The following SBF1 variants were observed in gnomAD, a reference collection of about 807,000 sequenced individuals.
The protein encoded by SBF1 is myotubularin-related protein 5.
A neutral mutation model predicts 215.8 loss-of-function variants in SBF1; 65 were observed. The observed-to-expected ratio is 0.30, with a 90% CI of 0.25 to 0.37. The LOEUF (loss-of-function observed/expected upper bound fraction) is 0.37. SBF1 is among the 10% of genes least tolerant of loss of function. SBF1 has a pLI of 1.00. For missense variants in SBF1, 2,634 were observed against 2,667.8 expected (o/e 0.99, Z 0.28); for synonymous variants, 1,410 against 1,122.8 (o/e 1.26, Z -5.11).
In SBF1 at chr22:50,461,432, C is replaced by T. The variant is rs190305758; in HGVS notation, c.2839+91G>A. On this transcript the variant is annotated intron_variant, in intron 22 of 40. Coordinates refer to ENST00000380817, the MANE Select transcript of SBF1 (RefSeq NM_002972.4). ...GTTTCCCACGGGCACCCAGAACCCC[C>T]GAGAAAAGGGAGAGGGAGGCAGGGA... 5.6e-4 allele frequency: 832 copies of T among 1,498,558 alleles called. 9 individuals are homozygous for T. In the East Asian group the frequency reaches 0.017, roughly 30 times the overall value. 92.8% of individuals were successfully genotyped at this position (1,498,558 alleles called of 1,614,324 possible). A position where few individuals can be genotyped will look rare whatever the true frequency, so the allele number is the denominator to read the frequency against.
chr22:50,468,561 C>T, intron 1 of SBF1, 100 bp from the exon 2 acceptor site: 1 of 746,868 alleles, frequency 1.3e-6, no homozygotes. Context: ...ACTGGGCCCT[C>T]ATCTGGCACC....
At chr22:50,457,333 AG>A (rs1402424352) in intron 28 of SBF1, 1 of 434,460 alleles carries the variant, frequency 2.3e-6, no homozygotes, top group Admixed American at 4.4e-5. Flanking sequence ...TGGCAGCAGA[AG>A]GGCTATGCGG....
chr22:50,455,678 G>A, intron 31 of SBF1, 96 bp from the exon 32 acceptor site: 1 of 1,021,832 alleles, frequency 9.8e-7, no homozygotes, highest in Non-Finnish European at 1.5e-6. Flanking sequence ...AGGCAGCGGG[G>A]AGGCAGGCCC....
Position 50,462,674 on chromosome 22 carries a change from T to C in SBF1, c.2012A>G (p.Gln671Arg). 6.2e-7 allele frequency: 1 copy of C among 1,612,364 alleles called. No individual in the cohort carries two copies. The highest frequency in any genetic ancestry group is 2.2e-5 in the East Asian group (1 of 44,840). The stretch of plus-strand genomic sequence containing the variant: ...TGGCGTGCTCCACACCACGTGCTCC[T>C]GCACACAGCTGTATGCAAACTGCGT... ...GVTQFAYSCV[Q>R]EHVVWSTPQF... is the part of the protein sequence containing the mutation. The change falls in exon 18 of 41, where the codon CAG becomes CGG. Residue 671 changes from glutamine (Q) to arginine (R), a missense_variant. By Grantham distance (43) the Gln-to-Arg change is conservative. Coordinates refer to ENST00000380817, the MANE Select transcript of SBF1 (RefSeq NM_002972.4).
At chr22:50,473,559 T>C (rs556745815) in intron 1 of SBF1, among the ~76,000 whole-genome samples, 115 of 152,090 alleles carry the variant, frequency 7.6e-4, no homozygotes, top group Non-Finnish European at 1.3e-3. Flanking sequence ...GAGTGTGTGC[T>C]GAGTAAGAGG....
At position 50,461,873 on chromosome 22, in the gene SBF1, G is replaced by A; in HGVS notation, c.2570-4C>T. The A allele has an allele frequency of 6.2e-7, 1 of 1,614,028 alleles. No homozygotes were observed. Among genetic ancestry groups the A allele is most frequent in the Non-Finnish European group, 8.5e-7 (1 of 1,180,026 alleles). ...TCGATGTGCATCTGGACAATGTCTG[G>A]GGGAAGACAGTTCTCACACTTTGTG... is the stretch of plus-strand genomic sequence containing the variant. On this transcript the variant is annotated splice_polypyrimidine_tract_variant and splice_region_variant and intron_variant, in intron 20 of 40. Coordinates refer to ENST00000380817, the MANE Select transcript of SBF1 (RefSeq NM_002972.4).
At position 50,459,302 on chromosome 22, in the gene SBF1, C is replaced by T. The variant is rs1261243311; in HGVS notation, c.3779G>A (p.Gly1260Glu). Residue 1260 changes from glycine (G) to glutamate (E), a missense_variant, in exon 28 of 41, where the codon GGA becomes GAA. Physicochemically the swap from Gly to Glu is moderately conservative, Grantham distance 98 (BLOSUM62 -2). Transcript: ENST00000380817. ...GGAGAAGCCGCTAAGCGTGTTGCGT[C>T]CCGACGCGTCGGCGTAGCGGGGCAT... is the stretch of plus-strand genomic sequence containing the variant. The part of the protein sequence containing the change: ...SSMPRYADAS[G>E]RNTLSGFSSA... The T allele has an allele frequency of 1.9e-6, 3 of 1,611,970 alleles. No homozygotes were observed. The highest frequency in any genetic ancestry group is 2.2e-5 in the East Asian group (1 of 44,852).
Position 50,456,636 on chromosome 22 carries a change from ACTG to A in SBF1, c.3939_3941del (p.Ser1314del), listed in dbSNP as rs1275912700. Reference sequence around the variant, plus strand: ...GGGAGCCCACATCGGTGCCAAGGCCACTGCTGCGTCCACTGGTCCGGACACTGC... The same window carrying A: ...GGGAGCCCACATCGGTGCCAAGGCCACTGCGTCCACTGGTCCGGACACTGC... On this transcript the variant is annotated inframe_deletion, in exon 30 of 41. Coordinates refer to ENST00000380817, the MANE Select transcript of SBF1 (RefSeq NM_002972.4). 3 of 1,508,808 alleles carry A rather than the reference ACTG, an allele frequency of 2.0e-6. No individual in the cohort carries two copies. The Admixed American group carries it at 6.7e-5, about 34-fold the overall frequency. 93.5% of individuals were successfully genotyped at this position (1,508,808 alleles called of 1,614,324 possible).
In SBF1 at chr22:50,464,718, C is replaced by T. The variant is rs775882613; in HGVS notation, c.1452G>A (p.Val484=). 3 of 1,607,234 alleles carry T rather than the reference C, an allele frequency of 1.9e-6. No individual in the cohort carries two copies. The African/African-American group carries it at 4.0e-5, about 21-fold the overall frequency. ...LYKNENPYPA[V]AMHKVQRPGE... ...CGGGCCTCTGTACCTTGTGCATCGC[C>T]ACGGCTGGGTACGGGTTCTCCTGTG... Residue 484 remains valine, a synonymous_variant, in exon 14 of 41, where the codon GTG becomes GTA. Coordinates refer to ENST00000380817, the MANE Select transcript of SBF1 (RefSeq NM_002972.4).
chr22:50,468,707 C>A (rs1175072710), intron 1 of SBF1, among the ~76,000 whole-genome samples: 3 of 152,142 alleles, frequency 2.0e-5, no homozygotes, highest in African/African-American at 7.2e-5. Context: ...AGACCTCCTT[C>A]AGCCTGACCA....
rs1387447166 is a variant in SBF1, at chr22:50,456,314, T to C, written c.4168A>G (p.Lys1390Glu). The change falls in exon 31 of 41, where the codon AAG (lysine) becomes GAG (glutamate). Residue 1390 changes from lysine (K) to glutamate (E), a missense_variant. Physicochemically the swap from Lys to Glu is moderately conservative, Grantham distance 56. Coordinates refer to ENST00000380817, the MANE Select transcript of SBF1 (RefSeq NM_002972.4). ...GGGACACATGCTTTCAGCAGCTTCT[T>C]GAAGCTAGCCTTCACCTGCCGTGCC... ...FEARQVKASF[K>E]KLLKACVPGC... is the part of the protein sequence containing the mutation. The C allele has an allele frequency of 1.2e-6, 2 of 1,612,942 alleles. No individual in the cohort carries two copies. The highest frequency in any genetic ancestry group is 1.3e-5 in the African/African-American group (1 of 74,910).
At chr22:50,466,788 G>C (rs2067780352) in intron 5 of SBF1, 78 bp from the exon 6 acceptor site, 2 of 1,025,002 alleles carry the variant, frequency 2.0e-6, no homozygotes, top group Non-Finnish European at 2.8e-6. Context: ...TGTGTCCCCA[G>C]GCAGACCCTG....
chr22:50,461,907 C>A, intron 20 of SBF1, 38 bp from the exon 21 acceptor site: 2 of 1,614,042 alleles, frequency 1.2e-6, no homozygotes, highest in Non-Finnish European at 1.7e-6. Context: ...TGCCCAGCCC[C>A]ACCCATCCAA....
chr22:50,464,869 G>C lies in SBF1; in HGVS notation c.1381C>G (p.Gln461Glu). The change falls in exon 13 of 41, where the codon CAG becomes GAG. Residue 461 changes from glutamine (Q) to glutamate (E), a missense_variant. By Grantham distance (29) the Gln-to-Glu change is conservative. Transcript: ENST00000380817. Reference protein sequence around the residue: ...ARMRADENHPQRVLRHVQELA... With the variant: ...ARMRADENHPERVLRHVQELA... Reference sequence around the variant, plus strand: ...TCCTGGACGTGACGCAGGACACGCTGGGGGTGGTTCTCATCCGCCCGCATC... The same window carrying C: ...TCCTGGACGTGACGCAGGACACGCTCGGGGTGGTTCTCATCCGCCCGCATC... The C allele has an allele frequency of 6.2e-7, 1 of 1,613,672 alleles. No homozygotes were observed. Among genetic ancestry groups the C allele is most frequent in the Non-Finnish European group, 8.5e-7 (1 of 1,180,014 alleles).
chr22:50,448,772 C>T, intron 36 of SBF1, 122 bp from the exon 37 acceptor site: 1 of 702,014 alleles, frequency 1.4e-6, no homozygotes. Flanking sequence ...TGTGACTGGC[C>T]ACAGGGGGAG....
At chr22:50,459,907 C>G (rs758994339) in intron 26 of SBF1, 45 bp downstream of exon 26, 2 of 1,589,972 alleles carry the variant, frequency 1.3e-6, no homozygotes, top group South Asian at 2.2e-5. Context: ...GGGAAGACAC[C>G]CAGTCACGTG....
At position 50,455,406 on chromosome 22, in the gene SBF1, C is replaced by T; in HGVS notation, c.4372G>A (p.Val1458Ile). Reference protein sequence around the residue: ...EDGWDITTQVVSLVQLLSDPF... With the variant: ...EDGWDITTQVISLVQLLSDPF... Reference sequence around the variant, plus strand: ...TCTGAGAGCAGCTGCACCAAGGATACCACCTGCCAGCACCGCCAGGAGGTC... The same window carrying T: ...TCTGAGAGCAGCTGCACCAAGGATATCACCTGCCAGCACCGCCAGGAGGTC... Residue 1458 changes from valine (V) to isoleucine (I), a missense_variant, in exon 33 of 41, where the codon GTA (valine) becomes ATA (isoleucine). Val to Ile is a conservative substitution (Grantham distance 29). Transcript: ENST00000380817. 6.2e-7 allele frequency: 1 copy of T among 1,612,092 alleles called. No individual in the cohort carries two copies. Among genetic ancestry groups the T allele is most frequent in the Non-Finnish European group, 8.5e-7 (1 of 1,179,046 alleles).
Position 50,446,661 on chromosome 22 carries a change from C to T in SBF1, c.*481G>A, listed in dbSNP as rs190647894. The T allele has an allele frequency of 1.2e-3, 459 of 368,384 alleles. 2 individuals carry two copies. The highest frequency in any genetic ancestry group is 8.8e-3 in the African/African-American group (415 of 47,404). 22.8% of individuals were successfully genotyped at this position (368,384 alleles called of 1,614,324 possible). Reference sequence around the variant, plus strand: ...AAGTCACTCCCAGGGACATGCAGGCCGAGCTGGGTGGACCCAGGCACCAGG... The same window carrying T: ...AAGTCACTCCCAGGGACATGCAGGCTGAGCTGGGTGGACCCAGGCACCAGG... On this transcript the variant is annotated 3_prime_UTR_variant, in exon 41 of 41. Transcript: ENST00000380817.
chr22:50,461,789 C>T lies in SBF1; in HGVS notation c.2643+7G>A, dbSNP rs200977424. 34 of 1,612,888 alleles carry T rather than the reference C, an allele frequency of 2.1e-5. No individual in the cohort carries two copies. The highest frequency in any genetic ancestry group is 1.8e-4 in the East Asian group (8 of 44,876). ...GGGCCCCCGCAGCCCCAACGGCCCC[C>T]GCAAACCTTCTGGATGGGCGGCAGC... On this transcript the variant is annotated splice_region_variant and intron_variant, in intron 21 of 40. Coordinates refer to ENST00000380817, the MANE Select transcript of SBF1 (RefSeq NM_002972.4).
Sources: allele counts gnomAD v4.1 joint callset (sites outside exome capture counted in the v4.1 genomes callset), GRCh38; gene constraint gnomAD v4.1.1; transcripts MANE v1.5; gene names NCBI Gene and HGNC (gene_info 2026-07-23, HGNC 2026-07-21).